Variants in REV3L observed in about 807,000 individuals in gnomAD.
REV3L encodes REV3 like, DNA directed polymerase zeta catalytic subunit.
A neutral mutation model predicts 299.4 loss-of-function variants in REV3L; 69 were observed. That is an observed-to-expected ratio of 0.23 (90% CI 0.19 to 0.28). The LOEUF is 0.28. REV3L is among the 10% of genes least tolerant of loss of function. The pLI is 1.00. For missense variants in REV3L, 3,128 were observed against 3,693.8 expected, an observed-to-expected ratio of 0.85 and a Z score of 3.97; for synonymous variants, 1,238 against 1,271.4, an observed-to-expected ratio of 0.97 and a Z score of 0.56.
At chr6:111,386,674 A>G (rs1479311160) in intron 9 of REV3L, among the ~76,000 whole-genome samples, 2 of 149,636 alleles carry the variant, frequency 1.3e-5, no homozygotes. Flanking sequence ...CAACTTTATG[A>G]TATTTATCCT....
In REV3L at chr6:111,373,403, G is replaced by A; in HGVS notation, c.4952C>T (p.Thr1651Ile). 1.9e-6 allele frequency: 3 copies of A among 1,613,452 alleles called. No individual in the cohort carries two copies. Among genetic ancestry groups the A allele is most frequent in the Non-Finnish European group, 2.5e-6 (3 of 1,179,810 alleles). Residue 1651 changes from threonine (T) to isoleucine (I), a missense_variant, in exon 13 of 32, where the codon ACA becomes ATA. Coordinates refer to ENST00000368802, the MANE Select transcript of REV3L (RefSeq NM_001372078.1). ...GCTACAAAATCCAGTCTGACCTATTGTGTTAATATCAAAATTATAATTATG... is the reference window on the plus strand; with the variant it reads ...GCTACAAAATCCAGTCTGACCTATTATGTTAATATCAAAATTATAATTATG... ...PEHNYNFDIN[T>I]IGQTGFCSFY...
intron 13 of REV3L, among the ~76,000 whole-genome samples, chr6:111,371,292 A>G (rs188457696): frequency 3.3e-5 from 5 of 152,320 alleles, no homozygotes; most frequent in East Asian, 1.9e-4. Flanking sequence ...GGTATACACC[A>G]TAACTACTTA....
At chr6:111,390,290 T>C (rs1269369518) in intron 5 of REV3L, 110 bp from the exon 6 acceptor site, 9 of 661,154 alleles carry the variant, frequency 1.4e-5, no homozygotes, top group African/African-American at 3.7e-5. Context: ...GAAAACCTGA[T>C]ATATTAATTC....
chr6:111,431,957 GA>G (rs879289484), intron 1 of REV3L, among the ~76,000 whole-genome samples: 1 of 149,996 alleles, frequency 6.7e-6, no homozygotes, highest in Non-Finnish European at 1.5e-5. Context: ...GGGACCTGAG[GA>G]AAAAAAAAGA....
At chr6:111,462,658 A>C (rs1304511876) in intron 1 of REV3L, among the ~76,000 whole-genome samples, 1 of 152,142 alleles carries the variant, frequency 6.6e-6, no homozygotes, top group Non-Finnish European at 1.5e-5. Context: ...GACAATCCTA[A>C]ATATTGGTGA....
chr6:111,377,992 AAAT>A, intron 11 of REV3L, 149 bp from the exon 12 acceptor site: 1 of 596,030 alleles, frequency 1.7e-6, no homozygotes, highest in Non-Finnish European at 2.6e-6. Context: ...ACAATACAAA[AAAT>A]CTGAAAATTG....
At chr6:111,363,462 T>C (rs1433284493) in intron 16 of REV3L, among the ~76,000 whole-genome samples, 1 of 152,018 alleles carries the variant, frequency 6.6e-6, no homozygotes, top group Non-Finnish European at 1.5e-5. Context: ...CGCGCCACCA[T>C]GCTCATCTAA....
At chr6:111,305,233 C>T (rs921099260) in intron 31 of REV3L, among the ~76,000 whole-genome samples, 6 of 152,276 alleles carry the variant, frequency 3.9e-5, no homozygotes, top group East Asian at 3.9e-4. Context: ...TGAGCCACCA[C>T]GCCCGGCCGA....
intron 1 of REV3L, among the ~76,000 whole-genome samples, chr6:111,418,493 G>T (rs1335168639): frequency 6.6e-6 from 1 of 152,068 alleles, no homozygotes; most frequent in African/African-American, 2.4e-5. Context: ...AACAATTTTG[G>T]GATGTACAAT....
rs554472049 is a variant in REV3L at position 111,411,434 on chromosome 6, A to G, written c.404+46T>C. ...TCTAGATTTTTTTTATTATTAAAATACTTCAATGATAGTTATTCATATTTT... is the reference window on the plus strand; with the variant it reads ...TCTAGATTTTTTTTATTATTAAAATGCTTCAATGATAGTTATTCATATTTT... On this transcript the variant is annotated intron_variant, in intron 3 of 31. Transcript: ENST00000368802. 4.8e-5 allele frequency: 58 copies of G among 1,204,680 alleles called. 1 individual carries two copies. In the South Asian group the frequency reaches 8.1e-4, roughly 17 times the overall value. 74.6% of individuals were successfully genotyped at this position (1,204,680 alleles called of 1,614,324 possible).
chr6:111,338,312 CTTTTTTTTTTTTTTT>C (rs144497761), intron 21 of REV3L, among the ~76,000 whole-genome samples: 57 of 47,940 alleles, frequency 1.2e-3, no homozygotes, highest in East Asian at 4.8e-3. Context: ...GTCTAAAGTC[CTTTTTTTTTTTTTTT>C]TTTTTTTTTT....
intron 1 of REV3L, among the ~76,000 whole-genome samples, chr6:111,459,450 T>C (rs534183698): frequency 1.3e-4 from 19 of 151,892 alleles, no homozygotes; most frequent in East Asian, 3.9e-4. Flanking sequence ...AGAGCTTCTA[T>C]ACAGCAAGAG....
chr6:111,374,356 T>G lies in REV3L; in HGVS notation c.3999A>C (p.Lys1333Asn), dbSNP rs1178518109. ...GATTATGAGGCCTTTGAACATTAAT[T>G]TTTGAGACTCCAGGTCCTATAGAAT... The part of the protein sequence containing the change: ...VCNSIGPGVS[K>N]INVQRPHNQS... The change falls in exon 13 of 32, where the codon AAA becomes AAC. Residue 1333 changes from lysine to asparagine, a missense_variant. By Grantham distance (94) the Lys-to-Asn change is moderately conservative. Around this residue, in one of 9 missense-constraint regions of REV3L, gnomAD observed 2,409 missense variants for 2,611.8 expected, o/e 0.92. Transcript: ENST00000368802. The G allele has an allele frequency of 6.2e-7, 1 of 1,614,004 alleles. No homozygotes were observed. The highest frequency in any genetic ancestry group is 1.1e-5 in the South Asian group (1 of 91,080).
intron 1 of REV3L, among the ~76,000 whole-genome samples, chr6:111,455,126 G>C (rs549608209): frequency 7.4e-4 from 113 of 152,282 alleles, no homozygotes; most frequent in Admixed American, 1.7e-3. Context: ...TGCTTTAACA[G>C]GGATACAAAG....
intron 20 of REV3L, among the ~76,000 whole-genome samples, chr6:111,346,814 T>G (rs1484124686): frequency 6.6e-6 from 1 of 152,180 alleles, no homozygotes; most frequent in Non-Finnish European, 1.5e-5. Flanking sequence ...GCAAAAATAT[T>G]TGTTCTCTAA....
intron 1 of REV3L, chr6:111,430,778 G>A (rs960015045): frequency 6.2e-7 from 1 of 1,606,736 alleles, no homozygotes; most frequent in Non-Finnish European, 8.5e-7. Flanking sequence ...GGAGCAGCTT[G>A]ACCGCATCGT....
chr6:111,324,120 C>T (rs1331224876), intron 25 of REV3L, among the ~76,000 whole-genome samples: 2 of 152,174 alleles, frequency 1.3e-5, no homozygotes, highest in Non-Finnish European at 2.9e-5. Flanking sequence ...GTGCTTCAGT[C>T]TCCCGAATAG....
chr6:111,444,113 G>T (rs1405558576), intron 1 of REV3L, among the ~76,000 whole-genome samples: 1 of 152,176 alleles, frequency 6.6e-6, no homozygotes, highest in Non-Finnish European at 1.5e-5. Context: ...ATGTAGACAG[G>T]CCTTCAAACA....
intron 1 of REV3L, among the ~76,000 whole-genome samples, chr6:111,434,030 G>A (rs1176552119): frequency 1.3e-5 from 2 of 151,894 alleles, no homozygotes. Flanking sequence ...CCTCAACAAA[G>A]GAACATCCCT....
Sources: allele counts gnomAD v4.1 joint callset (sites outside exome capture counted in the v4.1 genomes callset), GRCh38; gene constraint gnomAD v4.1.1; regional missense constraint gnomAD v4.1.1; transcripts MANE v1.5; gene names NCBI Gene and HGNC (gene_info 2026-07-23, HGNC 2026-07-21).